Variants in LRRC4C observed in about 807,000 individuals in gnomAD.
LRRC4C encodes the protein leucine-rich repeat-containing protein 4C.
Under a neutral mutation model 33.6 loss-of-function variants are expected in LRRC4C, and 5 were observed. That is an observed-to-expected ratio of 0.15 (90% CI 0.08 to 0.31). The LOEUF is 0.31. Ranked by LOEUF, LRRC4C falls within the 10% of genes least tolerant of loss-of-function variation. The pLI is 1.00. For synonymous variants in LRRC4C, 329 were observed against 302.0 expected, an observed-to-expected ratio of 1.09 and a Z score of -0.93; for missense variants, 560 against 796.7, an observed-to-expected ratio of 0.70 and a Z score of 3.58.
chr11:41,108,849 A>G (rs191865972), intron 1 of LRRC4C, among the ~76,000 whole-genome samples: 1 of 152,170 alleles, frequency 6.6e-6, no homozygotes, highest in East Asian at 1.9e-4. Flanking sequence ...TTAACAACCT[A>G]CCAAGAATTA....
intron 5 of LRRC4C, among the ~76,000 whole-genome samples, chr11:40,150,940 TA>T (rs931870516): frequency 1.0e-4 from 15 of 150,696 alleles, no homozygotes; most frequent in South Asian, 2.1e-4. Context: ...GTGAGAGAAA[TA>T]AAAAAAAATG....
intron 1 of LRRC4C, among the ~76,000 whole-genome samples, chr11:41,073,319 G>T (rs1310535115): frequency 6.9e-6 from 1 of 145,018 alleles, no homozygotes; most frequent in Non-Finnish European, 1.5e-5. Flanking sequence ...GCAAGAGGAG[G>T]GGGAAAGTGA....
intron 1 of LRRC4C, among the ~76,000 whole-genome samples, chr11:41,295,380 G>A (rs1950108927): frequency 6.6e-6 from 1 of 152,118 alleles, no homozygotes; most frequent in Admixed American, 6.5e-5. Context: ...TAAAATGTTT[G>A]TGGTGATTTA....
At chr11:40,324,767 G>A in intron 3 of LRRC4C, among the ~76,000 whole-genome samples, 1 of 152,150 alleles carries the variant, frequency 6.6e-6, no homozygotes, top group Admixed American at 6.5e-5. Flanking sequence ...AAATAAACAG[G>A]GTGATGTGAT....
In LRRC4C at chr11:41,273,615, G is replaced by T. The variant is rs542702669; in HGVS notation, c.-496+185816C>A. Among the ~76,000 whole-genome samples, 183 of 152,244 alleles carry T rather than the reference G, an allele frequency of 1.2e-3. 1 individual carries two copies. Among genetic ancestry groups the T allele is most frequent in the African/African-American group, 4.2e-3 (176 of 41,570 alleles). On this transcript the variant is annotated intron_variant, in intron 1 of 6. Transcript: ENST00000528697. The stretch of plus-strand genomic sequence containing the variant: ...AGGAAGGGGAAAATGGAGAATTATT[G>T]CTCAGTGAATATTCATTTTCAGTTA...
At chr11:40,536,458 C>T (rs1475164355) in intron 3 of LRRC4C, among the ~76,000 whole-genome samples, 1 of 152,194 alleles carries the variant, frequency 6.6e-6, no homozygotes, top group Admixed American at 6.5e-5. Context: ...TCCCAAAGTG[C>T]TGGGATTACA....
At chr11:40,568,031 T>C (rs1957834821) in intron 3 of LRRC4C, among the ~76,000 whole-genome samples, 1 of 152,206 alleles carries the variant, frequency 6.6e-6, no homozygotes, top group Admixed American at 6.5e-5. Context: ...TCCTGAAATC[T>C]TTGCTTTTGT....
intron 5 of LRRC4C, among the ~76,000 whole-genome samples, chr11:40,177,811 T>C (rs1408160768): frequency 6.6e-6 from 1 of 152,210 alleles, no homozygotes; most frequent in African/African-American, 2.4e-5. Flanking sequence ...TTTCCCTCAC[T>C]TAACAAGAAC....
At chr11:41,304,217 A>G (rs1338885858) in intron 1 of LRRC4C, among the ~76,000 whole-genome samples, 1 of 91,414 alleles carries the variant, frequency 1.1e-5, no homozygotes. Flanking sequence ...TCCGGGAGGG[A>G]GGTGGGGGGG....
At chr11:40,711,115 A>G (rs546662443) in intron 2 of LRRC4C, among the ~76,000 whole-genome samples, 1 of 152,284 alleles carries the variant, frequency 6.6e-6, no homozygotes, top group Non-Finnish European at 1.5e-5. Flanking sequence ...TCCCTTGGCT[A>G]GGAAAGGGAA....
At chr11:41,063,683 A>C (rs1447961553) in intron 1 of LRRC4C, among the ~76,000 whole-genome samples, 1 of 152,220 alleles carries the variant, frequency 6.6e-6, no homozygotes, top group Non-Finnish European at 1.5e-5. Context: ...AAGTAAATTA[A>C]AGAAGAGCAA....
chr11:40,493,116 T>A (rs1315187117), intron 3 of LRRC4C, among the ~76,000 whole-genome samples: 3 of 151,560 alleles, frequency 2.0e-5, no homozygotes, highest in African/African-American at 7.3e-5. Context: ...GTTGGATATA[T>A]AGATAATATA....
chr11:40,352,738 C>G (rs575984228), intron 3 of LRRC4C, among the ~76,000 whole-genome samples: 20 of 152,104 alleles, frequency 1.3e-4, no homozygotes, highest in African/African-American at 4.8e-4. Context: ...TTGGAGAACT[C>G]CCTTTAGCAT....
intron 5 of LRRC4C, among the ~76,000 whole-genome samples, chr11:40,216,717 C>G (rs1315427863): frequency 6.6e-6 from 1 of 152,074 alleles, no homozygotes; most frequent in Non-Finnish European, 1.5e-5. Context: ...AAACAAAAAG[C>G]AAAAGTGAAA....
chr11:40,742,917 G>A (rs567359490), intron 2 of LRRC4C, among the ~76,000 whole-genome samples: 1 of 152,086 alleles, frequency 6.6e-6, no homozygotes, highest in African/African-American at 2.4e-5. Context: ...CACCAGTAGG[G>A]CCTAGTGACA....
At chr11:40,767,374 C>A (rs1949525592) in intron 2 of LRRC4C, among the ~76,000 whole-genome samples, 1 of 152,114 alleles carries the variant, frequency 6.6e-6, no homozygotes, top group African/African-American at 2.4e-5. Context: ...ACAATAATAG[C>A]TGGAAACATT....
intron 1 of LRRC4C, among the ~76,000 whole-genome samples, chr11:41,401,954 T>C (rs1274669934): frequency 2.0e-5 from 3 of 152,018 alleles, no homozygotes; most frequent in Admixed American, 2.0e-4. Context: ...CTGTCAGAAC[T>C]GCCTCATTTA....
intron 1 of LRRC4C, among the ~76,000 whole-genome samples, chr11:41,458,519 G>A (rs1266165678): frequency 7.3e-6 from 1 of 137,600 alleles, no homozygotes; most frequent in Non-Finnish European, 1.5e-5. Flanking sequence ...TATTGTCTGC[G>A]TTTCACTTTG....
chr11:41,044,267 G>A (rs1857626294), intron 1 of LRRC4C, among the ~76,000 whole-genome samples: 1 of 152,132 alleles, frequency 6.6e-6, no homozygotes, highest in African/African-American at 2.4e-5. Flanking sequence ...AGTGGTGGAA[G>A]AAGCAATACA....
Sources: gnomAD v4.1 joint callset for allele counts (sites outside exome capture counted in the v4.1 genomes callset) on GRCh38, gnomAD v4.1.1 for gene constraint, MANE v1.5 for transcripts, NCBI Gene and HGNC (gene_info 2026-07-23, HGNC 2026-07-21) for gene names.